The following INPP4B variants were observed in gnomAD, a reference collection of about 807,000 sequenced individuals.
INPP4B encodes inositol polyphosphate 4-phosphatase type II.
Under a neutral mutation model 122.5 loss-of-function variants are expected in INPP4B, and 55 were observed. The ratio of observed to expected loss-of-function variants is 0.45; its 90% CI spans 0.36 to 0.56. The LOEUF (loss-of-function observed/expected upper bound fraction) is 0.56, where lower values mean the gene tolerates loss of function less well. Among genes scored for constraint, INPP4B ranks in the 20% least tolerant of loss-of-function variants. INPP4B has a pLI of 0.00. For synonymous variants in INPP4B, 403 were observed against 388.7 expected (o/e 1.04, Z -0.43); for missense variants, 1,000 against 1,097.7 (o/e 0.91, Z 1.26).
chr4:142,362,852 G>C (rs1249822182), intron 7 of INPP4B, among the ~76,000 whole-genome samples: 1 of 152,002 alleles, frequency 6.6e-6, no homozygotes, highest in East Asian at 1.9e-4. Context: ...GAAGGAGGGA[G>C]AAGGGCAAGG....
intron 17 of INPP4B, among the ~76,000 whole-genome samples, chr4:142,153,236 CAGTT>C (rs1216863442): frequency 2.0e-5 from 3 of 152,150 alleles, no homozygotes; most frequent in Non-Finnish European, 4.4e-5. Flanking sequence ...ATGACATTAT[CAGTT>C]AGTGTGTTGT....
intron 25 of INPP4B, among the ~76,000 whole-genome samples, chr4:142,074,688 G>GTAT (rs1225854210): frequency 6.6e-6 from 1 of 151,970 alleles, no homozygotes; most frequent in East Asian, 1.9e-4. Context: ...ATACAAGGGA[G>GTAT]TATTATATAA....
chr4:142,155,224 CCTT>C (rs1301222649), intron 17 of INPP4B, among the ~76,000 whole-genome samples: 1 of 151,990 alleles, frequency 6.6e-6, no homozygotes, highest in Non-Finnish European at 1.5e-5. Context: ...TTATCTATCT[CCTT>C]CTTATTAAGA....
chr4:142,138,940 T>C (rs1057326996), intron 18 of INPP4B, among the ~76,000 whole-genome samples: 7 of 152,246 alleles, frequency 4.6e-5, no homozygotes, highest in Admixed American at 4.6e-4. Flanking sequence ...ATTTTGCTCA[T>C]CTTTTCTTCT....
intron 11 of INPP4B, among the ~76,000 whole-genome samples, chr4:142,242,427 G>C (rs1445083642): frequency 6.6e-6 from 1 of 152,164 alleles, no homozygotes; most frequent in Non-Finnish European, 1.5e-5. Context: ...TCTGCAGTTG[G>C]TGACAATTGG....
At chr4:142,206,456 T>C (rs957441362) in intron 14 of INPP4B, among the ~76,000 whole-genome samples, 11 of 150,890 alleles carry the variant, frequency 7.3e-5, no homozygotes, top group African/African-American at 2.4e-4. Flanking sequence ...AATAACATAA[T>C]ACATCAGAAT....
intron 21 of INPP4B, among the ~76,000 whole-genome samples, chr4:142,117,986 C>T (rs1419117180): frequency 2.0e-5 from 3 of 152,026 alleles, no homozygotes; most frequent in Admixed American, 6.6e-5. Context: ...ACAAGCTTTA[C>T]TATACACCAA....
intron 9 of INPP4B, among the ~76,000 whole-genome samples, chr4:142,271,924 C>T (rs927190135): frequency 1.1e-4 from 16 of 152,074 alleles, no homozygotes; most frequent in Admixed American, 6.5e-5. Context: ...GCAAGAAAAA[C>T]TACAGAATAA....
intron 25 of INPP4B, among the ~76,000 whole-genome samples, chr4:142,076,491 ACTCT>A (rs1020522620): frequency 6.6e-6 from 1 of 151,578 alleles, no homozygotes; most frequent in African/African-American, 2.4e-5. Flanking sequence ...GATGAAGGTG[ACTCT>A]CTCTCTCAGC....
intron 6 of INPP4B, among the ~76,000 whole-genome samples, chr4:142,404,743 G>A (rs1252971191): frequency 6.6e-6 from 1 of 151,796 alleles, no homozygotes; most frequent in Non-Finnish European, 1.5e-5. Flanking sequence ...AAGAATACCG[G>A]GGGGAAAAAA....
intron 25 of INPP4B, among the ~76,000 whole-genome samples, chr4:142,061,397 T>C (rs1482659601): frequency 1.3e-5 from 2 of 152,094 alleles, no homozygotes; most frequent in African/African-American, 2.4e-5. Flanking sequence ...TACAAGTACA[T>C]AGAAATGAAG....
At chr4:142,588,650 A>G (rs779802303) in intron 2 of INPP4B, among the ~76,000 whole-genome samples, 89 of 151,418 alleles carry the variant, frequency 5.9e-4, no homozygotes, top group Non-Finnish European at 9.0e-4. Context: ...TATGAGGTCT[A>G]TATGCAGAAA....
intron 2 of INPP4B, chr4:142,474,252 C>T (rs1332620454): frequency 6.6e-6 from 1 of 152,134 alleles, no homozygotes; most frequent in East Asian, 1.9e-4. Flanking sequence ...TCCGATGATC[C>T]CTCTTCTGTC....
rs1244445859 is a variant in INPP4B, at chr4:142,583,010, A to G, written c.-190-120284T>C. 2.0e-5 allele frequency among the ~76,000 whole-genome samples: 3 copies of G among 152,108 alleles called. No homozygotes were observed. In the East Asian group the frequency reaches 5.8e-4, roughly 29 times the overall value. ...TATGAAATGCAGAGAATGCATTGCT[A>G]AGACTGAGTCTCACCTTTACTAGTT... is the stretch of plus-strand genomic sequence containing the variant. On this transcript the variant is annotated intron_variant, in intron 2 of 25. Transcript: ENST00000262992.
chr4:142,440,436 G>T (rs1219728951), intron 3 of INPP4B, among the ~76,000 whole-genome samples: 1 of 152,134 alleles, frequency 6.6e-6, no homozygotes, highest in African/African-American at 2.4e-5. Context: ...GAAAGATGTG[G>T]GAAAATAAGA....
chr4:142,726,655 A>T (rs1765384172), intron 1 of INPP4B, among the ~76,000 whole-genome samples: 1 of 152,232 alleles, frequency 6.6e-6, no homozygotes. Flanking sequence ...ATACATAGGT[A>T]AGAATTTTAA....
At chr4:142,051,507 T>C (rs1754576309) in intron 25 of INPP4B, among the ~76,000 whole-genome samples, 1 of 152,024 alleles carries the variant, frequency 6.6e-6, no homozygotes, top group Admixed American at 6.6e-5. Flanking sequence ...GCTTTATAAT[T>C]ATGTTTTTGA....
chr4:142,312,345 T>C (rs1765829707), intron 8 of INPP4B, among the ~76,000 whole-genome samples: 1 of 152,176 alleles, frequency 6.6e-6, no homozygotes, highest in Non-Finnish European at 1.5e-5. Context: ...ATTTCAGAGA[T>C]GTGGCTAATT....
At chr4:142,751,338 G>C (rs1029030625) in intron 1 of INPP4B, among the ~76,000 whole-genome samples, 1 of 151,154 alleles carries the variant, frequency 6.6e-6, no homozygotes, top group Non-Finnish European at 1.5e-5. Flanking sequence ...CTCAAGTATG[G>C]AGAGGGAGTG....
Sources: gnomAD v4.1 joint callset for allele counts (sites outside exome capture counted in the v4.1 genomes callset) on GRCh38, gnomAD v4.1.1 for gene constraint, MANE v1.5 for transcripts, NCBI Gene and HGNC (gene_info 2026-07-23, HGNC 2026-07-21) for gene names.